CCDC3: variants seen among roughly 807,000 people sequenced by gnomAD.
The protein encoded by CCDC3 is coiled-coil domain containing 3.
A neutral mutation model predicts 21.4 loss-of-function variants in CCDC3; 24 were observed. That is an observed-to-expected ratio of 1.12 (90% CI 0.81 to 1.58). The LOEUF is 1.58. Ranked by LOEUF, CCDC3 falls within the 40% of genes most tolerant of loss-of-function variation. The pLI, the probability that CCDC3 is intolerant of heterozygous loss-of-function variation, is 0.00. For synonymous variants in CCDC3, 186 were observed against 166.0 expected (o/e 1.12, Z -0.93); for missense variants, 425 against 360.9 (o/e 1.18, Z -1.44).
At chr10:12,999,660 C>T (rs1835816419) in intron 1 of CCDC3, among the ~76,000 whole-genome samples, 1 of 152,204 alleles carries the variant, frequency 6.6e-6, no homozygotes, top group African/African-American at 2.4e-5. Context: ...CTTTTGTAAA[C>T]ATGGTAGAGC....
chr10:13,074,411 C>T (rs1176430255), intron 3 of CCDC3, among the ~76,000 whole-genome samples: 2 of 134,610 alleles, frequency 1.5e-5, no homozygotes, highest in African/African-American at 5.5e-5. Flanking sequence ...GTCTCGAACT[C>T]CCGACTTCAG....
At chr10:12,997,924 A>G (rs1416125998) in intron 2 of CCDC3, among the ~76,000 whole-genome samples, 1 of 152,232 alleles carries the variant, frequency 6.6e-6, no homozygotes, top group East Asian at 1.9e-4. Flanking sequence ...TAAGCAAAAA[A>G]AAATTGCAGA....
chr10:13,023,004 G>A (rs1836165718), intron 5 of CCDC3, among the ~76,000 whole-genome samples: 1 of 151,072 alleles, frequency 6.6e-6, no homozygotes, highest in African/African-American at 2.4e-5. Flanking sequence ...TACTTGAAAA[G>A]AAAGAGAGTC....
chr10:13,078,763 G>A (rs1443653696), intron 3 of CCDC3, among the ~76,000 whole-genome samples: 1 of 147,064 alleles, frequency 6.8e-6, no homozygotes, highest in Non-Finnish European at 1.5e-5. Flanking sequence ...CGCAAGGACA[G>A]AAAACCAAAC....
At chr10:12,911,482 A>G (rs1455235479) in intron 2 of CCDC3, among the ~76,000 whole-genome samples, 1 of 152,202 alleles carries the variant, frequency 6.6e-6, no homozygotes, top group East Asian at 1.9e-4. Flanking sequence ...ACTCAAAGAC[A>G]ACTTGCATTT....
At chr10:12,905,017 T>G (rs960117323) in intron 2 of CCDC3, among the ~76,000 whole-genome samples, 6 of 150,802 alleles carry the variant, frequency 4.0e-5, no homozygotes, top group Non-Finnish European at 7.4e-5. Flanking sequence ...CTTTCACAGC[T>G]GCTTTTAATT....
At chr10:12,906,290 G>C (rs1174643250) in intron 2 of CCDC3, among the ~76,000 whole-genome samples, 1 of 152,188 alleles carries the variant, frequency 6.6e-6, no homozygotes, top group African/African-American at 2.4e-5. Flanking sequence ...TCCACCCAAA[G>C]TCAAAAGAGC....
intron 2 of CCDC3, among the ~76,000 whole-genome samples, chr10:12,921,668 TC>T (rs1484157951): frequency 1.3e-5 from 2 of 152,260 alleles, no homozygotes. Context: ...GCACTATTTA[TC>T]TTGCACAACT....
At chr10:13,033,355 T>G (rs374816866) in intron 5 of CCDC3, among the ~76,000 whole-genome samples, 4 of 152,154 alleles carry the variant, frequency 2.6e-5, no homozygotes, top group African/African-American at 4.8e-5. Context: ...ATGGATTAAA[T>G]ACTTAAATGT....
chr10:12,933,336 G>A (rs1213507304), intron 2 of CCDC3, among the ~76,000 whole-genome samples: 1 of 152,016 alleles, frequency 6.6e-6, no homozygotes, highest in African/African-American at 2.4e-5. Context: ...ATAGATTATA[G>A]GTCTATTCAG....
At chr10:12,963,116 G>C (rs776751018) in intron 2 of CCDC3, among the ~76,000 whole-genome samples, 1 of 152,170 alleles carries the variant, frequency 6.6e-6, no homozygotes, top group African/African-American at 2.4e-5. Context: ...AAAGAAAATA[G>C]CTGTGGGAAA....
intron 5 of CCDC3, among the ~76,000 whole-genome samples, chr10:13,014,321 G>T (rs1836021983): frequency 6.8e-6 from 1 of 146,874 alleles, no homozygotes; most frequent in African/African-American, 2.5e-5. Flanking sequence ...GTGGTGGCAG[G>T]CACCTGTAAT....
rs528545855 is a variant in CCDC3, at chr10:13,024,157, C to T, written c.-2+25517G>A. ...CAAAAGAAATGAGTTTCTTTTCTGG[C>T]TTACTTCCTCCCCATAGAAGTTTGG... On this transcript the variant is annotated intron_variant, in intron 5 of 6. Transcript: ENST00000378839. Among the ~76,000 whole-genome samples, 29 of 152,154 alleles carry T rather than the reference C, an allele frequency of 1.9e-4. No homozygotes were observed. The South Asian group carries it at 5.8e-3, about 30-fold the overall frequency.
chr10:13,038,456 G>A (rs1836407655), intron 5 of CCDC3, among the ~76,000 whole-genome samples: 1 of 151,850 alleles, frequency 6.6e-6, no homozygotes, highest in Non-Finnish European at 1.5e-5. Flanking sequence ...GCCTAGGGCT[G>A]TGTAGCTCTG....
chr10:13,093,226 G>A (rs1196854289), intron 3 of CCDC3, among the ~76,000 whole-genome samples: 6 of 152,130 alleles, frequency 3.9e-5, no homozygotes, highest in East Asian at 1.9e-4. Flanking sequence ...CACAATCATA[G>A]CGGAAGGCGA....
chr10:13,089,276 A>T (rs1837150725), intron 3 of CCDC3, among the ~76,000 whole-genome samples: 1 of 151,770 alleles, frequency 6.6e-6, no homozygotes, highest in African/African-American at 2.4e-5. Context: ...GTAAGTGAAC[A>T]CTTATTTATG....
At chr10:12,989,007 G>A (rs1835640947) in intron 2 of CCDC3, among the ~76,000 whole-genome samples, 1 of 152,176 alleles carries the variant, frequency 6.6e-6, no homozygotes, top group South Asian at 2.1e-4. Flanking sequence ...AAAGCTTTCT[G>A]AAAACAGTAT....
chr10:12,998,187 G>A, intron 2 of CCDC3, 151 bp downstream of exon 2: 1 of 738,314 alleles, frequency 1.4e-6, no homozygotes, highest in Non-Finnish European at 2.1e-6. Context: ...TGGGAGGTAA[G>A]GAGGGATAGC....
chr10:12,993,256 C>G (rs1284200735), intron 2 of CCDC3, among the ~76,000 whole-genome samples: 2 of 152,104 alleles, frequency 1.3e-5, no homozygotes, highest in African/African-American at 2.4e-5. Context: ...GAGACAATAC[C>G]CTGAGACAGT....
Sources: gnomAD v4.1 joint callset for allele counts (sites outside exome capture counted in the v4.1 genomes callset) on GRCh38, gnomAD v4.1.1 for gene constraint, MANE v1.5 for transcripts, NCBI Gene and HGNC (gene_info 2026-07-23, HGNC 2026-07-21) for gene names.